The following RIMS2 variants were observed in gnomAD, a reference collection of about 807,000 sequenced individuals.
RIMS2 encodes regulating synaptic membrane exocytosis protein 2.
RIMS2 carries 59 observed loss-of-function variants against 174.4 expected under a neutral mutation model. The observed-to-expected ratio is 0.34, with a 90% confidence interval of 0.27 to 0.42. RIMS2 has a LOEUF of 0.42. RIMS2 is among the 10% of genes least tolerant of loss of function. The pLI, the probability that RIMS2 is intolerant of heterozygous loss-of-function variation, is 1.00. For missense variants in RIMS2, 1,620 were observed against 1,666.3 expected (o/e 0.97, Z 0.48); for synonymous variants, 606 against 572.5 (o/e 1.06, Z -0.84).
At chr8:103,708,510 G>C (rs953575587) in intron 2 of RIMS2, among the ~76,000 whole-genome samples, 1 of 152,096 alleles carries the variant, frequency 6.6e-6, no homozygotes, top group Non-Finnish European at 1.5e-5. Flanking sequence ...TTTCATGAAG[G>C]TGCCTTTTTG....
In RIMS2 at chr8:103,633,032, C is replaced by CT. The variant is rs34279617; in HGVS notation, c.177-64042dup. Among the ~76,000 whole-genome samples the CT allele has an allele frequency of 2.9e-3, 398 of 138,122 alleles. 1 individual carries two copies. Among genetic ancestry groups the CT allele is most frequent in the Middle Eastern group, 0.017 (4 of 234 alleles). The allele number at this position is 138,122 out of a possible 152,430, so 90.6% of individuals were successfully genotyped here. On this transcript the variant is annotated intron_variant, in intron 1 of 23. Transcript: ENST00000504942. ...ACAGGTGTGAGCCTCCGCGCCAGGC[C>CT]TTTTTTTTTTTTGAGATGGAGTCTT...
chr8:103,808,685 A>T (rs2098666634), intron 3 of RIMS2, among the ~76,000 whole-genome samples: 3 of 152,144 alleles, frequency 2.0e-5, no homozygotes, highest in Admixed American at 2.0e-4. Context: ...GATAAATCTA[A>T]GAGTTACTTT....
intron 1 of RIMS2, among the ~76,000 whole-genome samples, chr8:103,594,445 C>A (rs2094404998): frequency 6.6e-6 from 1 of 151,494 alleles, no homozygotes; most frequent in Admixed American, 6.6e-5. Context: ...TTAAATAAGG[C>A]ATGTTTAAAC....
downstream of RIMS2, chr8:104,253,481 G>A (rs1480514134): frequency 6.6e-6 from 1 of 152,034 alleles, no homozygotes; most frequent in Admixed American, 6.6e-5. Flanking sequence ...CAGTTTTTAG[G>A]TGACTCAAAG....
At chr8:103,933,969 G>C (rs1426856722) in intron 12 of RIMS2, among the ~76,000 whole-genome samples, 1 of 152,056 alleles carries the variant, frequency 6.6e-6, no homozygotes, top group African/African-American at 2.4e-5. Flanking sequence ...AAGAAATCTA[G>C]TATAGAATTT....
intron 4 of RIMS2, among the ~76,000 whole-genome samples, chr8:103,903,096 T>C (rs926291333): frequency 1.3e-5 from 2 of 152,102 alleles, no homozygotes; most frequent in Non-Finnish European, 2.9e-5. Context: ...AAAATGATGA[T>C]GAGATCATGA....
At chr8:103,652,286 C>T in intron 1 of RIMS2, 49 bp downstream of exon 2, 1 of 1,079,546 alleles carries the variant, frequency 9.3e-7, no homozygotes, top group Non-Finnish European at 1.3e-6. Flanking sequence ...TGTACTTTTG[C>T]CACATACTGC....
chr8:103,712,998 T>TCCTTCCTTCCTTCTTTTCCTC (rs567983910), intron 2 of RIMS2, among the ~76,000 whole-genome samples: 192 of 152,174 alleles, frequency 1.3e-3, no homozygotes, highest in African/African-American at 4.3e-3. Flanking sequence ...TTCTTTTCCT[T>TCCTTCCTTCCTTCTTTTCCTC]CCTTCCTTCC....
At chr8:103,862,691 T>G (rs1398395892) in intron 3 of RIMS2, among the ~76,000 whole-genome samples, 1 of 152,080 alleles carries the variant, frequency 6.6e-6, no homozygotes, top group African/African-American at 2.4e-5. Context: ...TCACCTTCTT[T>G]GTTAAGTGTA....
intron 19 of RIMS2, chr8:104,223,614 G>GT (rs770826469): frequency 6.5e-7 from 1 of 1,550,056 alleles, no homozygotes; most frequent in Non-Finnish European, 8.7e-7. Context: ...AAGACGCCGC[G>GT]TATCTTGTAC....
chr8:104,142,884 G>A (rs940929515), intron 19 of RIMS2, among the ~76,000 whole-genome samples: 2 of 152,110 alleles, frequency 1.3e-5, no homozygotes, highest in African/African-American at 4.8e-5. Flanking sequence ...TTAACATAAT[G>A]TGTTTATATA....
intron 19 of RIMS2, among the ~76,000 whole-genome samples, chr8:104,089,908 A>G (rs1026801789): frequency 3.3e-5 from 5 of 151,762 alleles, no homozygotes; most frequent in African/African-American, 1.2e-4. Context: ...CCTAGTAAGA[A>G]GGCTAAACCT....
At chr8:104,056,775 C>T (rs1000222739) in intron 19 of RIMS2, among the ~76,000 whole-genome samples, 1 of 152,134 alleles carries the variant, frequency 6.6e-6, no homozygotes, top group African/African-American at 2.4e-5. Flanking sequence ...GTCTCAGCTA[C>T]TTGCAAGGCT....
At chr8:103,748,458 A>G (rs933836429) in intron 2 of RIMS2, among the ~76,000 whole-genome samples, 1 of 152,038 alleles carries the variant, frequency 6.6e-6, no homozygotes, top group Non-Finnish European at 1.5e-5. Flanking sequence ...ATACATACAT[A>G]CATACATGCA....
rs541149006 is a variant in RIMS2, at chr8:103,696,723, C to T, written c.177-363C>T. Among the ~76,000 whole-genome samples, 310 of 151,624 alleles carry T rather than the reference C, an allele frequency of 2.0e-3. 1 individual carries two copies. The highest frequency in any genetic ancestry group is 3.6e-3 in the African/African-American group (149 of 41,372). On this transcript the variant is annotated intron_variant, in intron 1 of 23. Coordinates refer to ENST00000504942, the Ensembl canonical transcript of RIMS2. ...TACTAAAAATATAAAAATTAGCTGGCGTGGTGGTGTGTGCCTGTAGTCCTA... is the reference window on the plus strand; with the variant it reads ...TACTAAAAATATAAAAATTAGCTGGTGTGGTGGTGTGTGCCTGTAGTCCTA...
intron 1 of RIMS2, among the ~76,000 whole-genome samples, chr8:103,602,484 C>A (rs569429727): frequency 2.0e-5 from 3 of 151,640 alleles, no homozygotes; most frequent in Non-Finnish European, 2.9e-5. Flanking sequence ...GAGGCTCCAG[C>A]GTCTTTTGTT....
chr8:103,595,824 G>A (rs1447260490), intron 1 of RIMS2, among the ~76,000 whole-genome samples: 2 of 151,864 alleles, frequency 1.3e-5, no homozygotes, highest in Non-Finnish European at 2.9e-5. Flanking sequence ...AAGAAGAAAT[G>A]AGGACTTCCT....
At chr8:104,015,059 C>T (rs2095863331) in intron 19 of RIMS2, among the ~76,000 whole-genome samples, 1 of 152,080 alleles carries the variant, frequency 6.6e-6, no homozygotes, top group East Asian at 1.9e-4. Context: ...CATGAATATA[C>T]AATGAAAGAT....
Position 104,056,994 on chromosome 8 carries a change from G to A in RIMS2, c.3334+42379G>A, listed in dbSNP as rs145956809. Among the ~76,000 whole-genome samples, 4 of 151,830 alleles carry A rather than the reference G, an allele frequency of 2.6e-5. No homozygotes were observed. The East Asian group carries it at 7.7e-4, about 29-fold the overall frequency. ...CAACTCTGTGGTGGTTACTTCCACT[G>A]TACTCTGCAGGCATAAAACCCTAAT... On this transcript the variant is annotated intron_variant, in intron 19 of 23. Transcript: ENST00000504942.
Sources: allele counts gnomAD v4.1 joint callset (sites outside exome capture counted in the v4.1 genomes callset), GRCh38; gene constraint gnomAD v4.1.1; transcripts MANE v1.5; gene names NCBI Gene and HGNC (gene_info 2026-07-23, HGNC 2026-07-21).